ANKRD13A: variants seen among roughly 807,000 people sequenced by gnomAD.
ANKRD13A encodes ankyrin repeat domain 13A, also known as ankyrin repeat domain-containing protein 13A.
ANKRD13A carries 48 observed loss-of-function variants against 81.3 expected under a neutral mutation model. The observed-to-expected ratio is 0.59, with a 90% CI of 0.47 to 0.75. The LOEUF is 0.75. Ranked by LOEUF, ANKRD13A falls within the 30% of genes least tolerant of loss-of-function variation. The pLI is 0.00. For missense variants in ANKRD13A, 612 were observed against 734.0 expected (o/e 0.83, Z 1.92); for synonymous variants, 230 against 270.1 (o/e 0.85, Z 1.45).
In ANKRD13A at chr12:110,019,191, C is replaced by T. The variant is rs371318947; in HGVS notation, c.597C>T (p.Thr199=). The part of the protein sequence containing the change: ...EVNHDDKVVT[T]ERFDLSQEME... ...ACCATGATGACAAAGTGGTCACCAC[C>T]GAACGCTTCGACCTTTCCCAAGAAA... Residue 199 remains threonine, a synonymous_variant, in exon 6 of 15, where the codon ACC becomes ACT. Transcript: ENST00000261739. 107 of 1,613,474 alleles carry T rather than the reference C, an allele frequency of 6.6e-5. No individual in the cohort carries two copies. The highest frequency in any genetic ancestry group is 8.1e-5 in the Non-Finnish European group (95 of 1,179,582).
intron 4 of ANKRD13A, among the ~76,000 whole-genome samples, chr12:110,017,911 G>A (rs1483247703): frequency 6.6e-6 from 1 of 150,876 alleles, no homozygotes; most frequent in Non-Finnish European, 1.5e-5. Flanking sequence ...CAGCCTGGGC[G>A]ACAGGGTGAG....
At chr12:110,028,010 A>G (rs930115804) in intron 9 of ANKRD13A, 2 of 508,390 alleles carry the variant, frequency 3.9e-6, no homozygotes, top group Non-Finnish European at 7.0e-6. Flanking sequence ...TATCCATTAT[A>G]AACGAGGGGC....
chr12:110,020,988 C>A (rs1362545537), intron 6 of ANKRD13A: 1 of 346,336 alleles, frequency 2.9e-6, no homozygotes, highest in Non-Finnish European at 6.0e-6. Context: ...TGTTGAAGTG[C>A]GATTTGTGAA....
rs749004666 is a variant in ANKRD13A, at chr12:110,029,429, TC to T, written c.1077-46del. 4 of 1,589,590 alleles carry T rather than the reference TC, an allele frequency of 2.5e-6. No individual in the cohort carries two copies. The East Asian group carries it at 9.0e-5, about 36-fold the overall frequency. On this transcript the variant is annotated intron_variant, in intron 10 of 14. Transcript: ENST00000261739. The stretch of plus-strand genomic sequence containing the variant: ...CTACTGCATAGCAATAATCTCCTTT[TC>T]CCATCTGGTGGAGATGACCTCAGTC...
chr12:110,031,023 G>T (rs1891658252), intron 12 of ANKRD13A, among the ~76,000 whole-genome samples: 1 of 151,780 alleles, frequency 6.6e-6, no homozygotes, highest in Non-Finnish European at 1.5e-5. Context: ...TGAACTGGGG[G>T]AGAGGCGGGG....
intron 10 of ANKRD13A, chr12:110,029,226 T>C: frequency 2.7e-6 from 1 of 368,446 alleles, no homozygotes. Context: ...CTATCATTTC[T>C]TCATGCTTGC....
rs552695052 is a variant in ANKRD13A at position 110,020,417 on chromosome 12, T to C, written c.734+1089T>C. ...TAAAACTTGTTAAGTATCCTTTTCTTCTAATTTAGATTGAGCTGTGGAATT... is the reference window on the plus strand; with the variant it reads ...TAAAACTTGTTAAGTATCCTTTTCTCCTAATTTAGATTGAGCTGTGGAATT... On this transcript the variant is annotated intron_variant, in intron 6 of 14. Coordinates refer to ENST00000261739, the MANE Select transcript of ANKRD13A (RefSeq NM_033121.2). Among the ~76,000 whole-genome samples the C allele has an allele frequency of 2.0e-5, 3 of 152,376 alleles. No individual in the cohort carries two copies. The East Asian group carries it at 5.8e-4, about 29-fold the overall frequency.
At chr12:110,029,176 A>G in intron 10 of ANKRD13A, 1 of 264,498 alleles carries the variant, frequency 3.8e-6, no homozygotes, top group East Asian at 7.2e-5. Context: ...ATTGCTAACC[A>G]GCTTCAGCTG....
At position 110,030,765 on chromosome 12, in the gene ANKRD13A, A is replaced by C; in HGVS notation, c.1348+7A>C. On this transcript the variant is annotated splice_region_variant and intron_variant, in intron 12 of 14. Transcript: ENST00000261739. ...GGGACCCAGGCTGATTCAGGTAAAA[A>C]AATAAATAAATACAAAGTTTAGTTT... The C allele has an allele frequency of 6.5e-7, 1 of 1,540,684 alleles. No individual in the cohort carries two copies. The highest frequency in any genetic ancestry group is 8.8e-7 in the Non-Finnish European group (1 of 1,136,934).
chr12:110,019,390 T>C (rs1228081002), intron 6 of ANKRD13A, 62 bp downstream of exon 6: 1 of 1,444,364 alleles, frequency 6.9e-7, no homozygotes, highest in Non-Finnish European at 9.3e-7. Flanking sequence ...GAGTGACATG[T>C]ATGTATTAAT....
At chr12:110,000,062 A>G (rs1889870656) in intron 1 of ANKRD13A, among the ~76,000 whole-genome samples, 1 of 152,212 alleles carries the variant, frequency 6.6e-6, no homozygotes, top group African/African-American at 2.4e-5. Flanking sequence ...CTCAGACGCT[A>G]CGTGCCTTGT....
chr12:110,035,115 G>A (rs1415183798), intron 13 of ANKRD13A, among the ~76,000 whole-genome samples: 8 of 152,136 alleles, frequency 5.3e-5, no homozygotes, highest in African/African-American at 1.9e-4. Flanking sequence ...TGTTCCCTTT[G>A]GGAGGCATCC....
chr12:110,021,640 G>A (rs1891088613), intron 6 of ANKRD13A: 1 of 152,194 alleles, frequency 6.6e-6, no homozygotes, highest in Admixed American at 6.6e-5. Flanking sequence ...GGCCAGGCTG[G>A]TCTTGAATTC....
chr12:109,999,760 G>C lies in ANKRD13A; in HGVS notation c.72G>C (p.Gln24His). Reference protein sequence around the residue: ...HLLVWKNDYRQLEKELQGQNV... With the variant: ...HLLVWKNDYRHLEKELQGQNV... Reference sequence around the variant, plus strand: ...TAGTCTGGAAAAACGACTACCGGCAGCTCGAGAAGGAGCTGCAGGGCCAGG... The same window carrying C: ...TAGTCTGGAAAAACGACTACCGGCACCTCGAGAAGGAGCTGCAGGGCCAGG... The change falls in exon 1 of 15, where the codon CAG (glutamine) becomes CAC (histidine). Residue 24 changes from glutamine to histidine, a missense_variant. Transcript: ENST00000261739. The surrounding 1 kb of genome is among the most constrained non-coding windows in gnomAD (Gnocchi z 4.3). 6.5e-7 allele frequency: 1 copy of C among 1,530,966 alleles called. No individual in the cohort carries two copies. The highest frequency in any genetic ancestry group is 8.8e-7 in the Non-Finnish European group (1 of 1,136,962). The allele number at this position is 1,530,966 out of a possible 1,614,324, so 94.8% of individuals were successfully genotyped here.
Position 110,018,466 on chromosome 12 carries a change from T to C in ANKRD13A, c.522T>C (p.Arg174=), listed in dbSNP as rs751385441. 6.2e-7 allele frequency: 1 copy of C among 1,613,954 alleles called. No individual in the cohort carries two copies. Among genetic ancestry groups the C allele is most frequent in the Non-Finnish European group, 8.5e-7 (1 of 1,180,002 alleles). ...ACATGAGCTGGATAAGAGGGAGGCG[T>C]AGTTTTATATTTAAGGGAGAAGGTG... is the stretch of plus-strand genomic sequence containing the variant. ...FENMSWIRGR[R]SFIFKGEDNW... Residue 174 remains arginine (R), a synonymous_variant, in exon 5 of 15, where the codon CGT becomes CGC. Coordinates refer to ENST00000261739, the MANE Select transcript of ANKRD13A (RefSeq NM_033121.2). This position sits in a 1 kb window ranked among gnomAD's most constrained non-coding sequence, Gnocchi z 4.4.
Position 110,018,990 on chromosome 12 carries a change from A to T in ANKRD13A, c.545-149A>T. On this transcript the variant is annotated intron_variant, in intron 5 of 14. Transcript: ENST00000261739. The surrounding 1 kb of genome is among the most constrained non-coding windows in gnomAD (Gnocchi z 4.4). ...CTGGTCAGATAATCCCTGTGCAAATAGGTAGTCGATAATCAGTACACTGTA... is the reference window on the plus strand; with the variant it reads ...CTGGTCAGATAATCCCTGTGCAAATTGGTAGTCGATAATCAGTACACTGTA... 1 of 730,148 alleles carries T rather than the reference A, an allele frequency of 1.4e-6. No individual in the cohort carries two copies. The highest frequency in any genetic ancestry group is 2.1e-6 in the Non-Finnish European group (1 of 478,876). 45.2% of individuals were successfully genotyped at this position (730,148 alleles called of 1,614,324 possible). A position where few individuals can be genotyped will look rare whatever the true frequency, so the allele number is the denominator to read the frequency against.
At chr12:110,024,369 G>C (rs995299956) in intron 7 of ANKRD13A, among the ~76,000 whole-genome samples, 8 of 151,508 alleles carry the variant, frequency 5.3e-5, no homozygotes, top group African/African-American at 1.9e-4. Context: ...GGTACCAGTT[G>C]TTCTGGTAGG....
At chr12:110,025,658 G>A in intron 7 of ANKRD13A, 84 bp from the exon 8 acceptor site, 2 of 947,578 alleles carry the variant, frequency 2.1e-6, no homozygotes, top group Non-Finnish European at 3.2e-6. Flanking sequence ...TCTGTTTTTT[G>A]CTTCAGCATT....
intron 13 of ANKRD13A, among the ~76,000 whole-genome samples, chr12:110,034,189 T>C (rs1395052346): frequency 6.6e-6 from 1 of 152,248 alleles, no homozygotes; most frequent in Non-Finnish European, 1.5e-5. Context: ...CAGGCAGACT[T>C]TCCTTTTCCT....
Sources: gnomAD v4.1 joint callset for allele counts (sites outside exome capture counted in the v4.1 genomes callset) on GRCh38, gnomAD v4.1.1 for gene constraint, Gnocchi (gnomAD v3.1) non-coding constraint, MANE v1.5 for transcripts, NCBI Gene and HGNC (gene_info 2026-07-23, HGNC 2026-07-21) for gene names.